The following CALN1 variants were observed in gnomAD, a reference collection of about 807,000 sequenced individuals.
CALN1 encodes calneuron 1, also known as calcium-binding protein 8.
Under a neutral mutation model 30.6 loss-of-function variants are expected in CALN1, and 17 were observed. The observed-to-expected ratio is 0.56, with a 90% CI of 0.38 to 0.83. The LOEUF is 0.83. Among genes scored for constraint, CALN1 ranks in the 40% least tolerant of loss-of-function variants. CALN1 has a pLI of 0.00. For synonymous variants in CALN1, 156 were observed against 131.4 expected (o/e 1.19, Z -1.28); for missense variants, 291 against 354.9 (o/e 0.82, Z 1.45).
chr7:72,238,670 T>G (rs1277843619), intron 3 of CALN1, among the ~76,000 whole-genome samples: 1 of 152,108 alleles, frequency 6.6e-6, no homozygotes, highest in African/African-American at 2.4e-5. Flanking sequence ...TTCTGATGGT[T>G]TTTTAAGGGG....
At chr7:71,906,196 G>C (rs1044188138) in intron 5 of CALN1, among the ~76,000 whole-genome samples, 2 of 152,138 alleles carry the variant, frequency 1.3e-5, no homozygotes, top group African/African-American at 4.8e-5. Context: ...CAGTGTGCTT[G>C]GTGCCATCTT....
intron 3 of CALN1, among the ~76,000 whole-genome samples, chr7:72,201,052 T>C (rs185900982): frequency 1.4e-4 from 21 of 152,304 alleles, no homozygotes; most frequent in African/African-American, 5.1e-4. Context: ...AACAGTGGAT[T>C]GGATAATGTA....
At chr7:72,199,540 T>C (rs1214426228) in intron 3 of CALN1, among the ~76,000 whole-genome samples, 1 of 152,118 alleles carries the variant, frequency 6.6e-6, no homozygotes, top group Non-Finnish European at 1.5e-5. Context: ...GGCAACATAG[T>C]GAGACCACAT....
chr7:71,960,871 C>T (rs1797215745), intron 5 of CALN1, among the ~76,000 whole-genome samples: 1 of 152,164 alleles, frequency 6.6e-6, no homozygotes, highest in Admixed American at 6.5e-5. Flanking sequence ...AGGTGGAGTG[C>T]AGTGGCTCAA....
In CALN1 at chr7:72,407,694, G is replaced by A. The variant is rs527311967; in HGVS notation, c.-73-4252C>T. On this transcript the variant is annotated intron_variant, in intron 1 of 6. Transcript: ENST00000395275. ...TTCTTTGTAAATTACCCAGTCTCAGGGATTTCTTCAGAGCAGTGCAGTAAC... is the reference window on the plus strand; with the variant it reads ...TTCTTTGTAAATTACCCAGTCTCAGAGATTTCTTCAGAGCAGTGCAGTAAC... Among the ~76,000 whole-genome samples the A allele has an allele frequency of 6.6e-5, 10 of 152,200 alleles. No homozygotes were observed. In the South Asian group the frequency reaches 1.7e-3, roughly 25 times the overall value.
chr7:71,810,199 C>A, intron 6 of CALN1, 137 bp downstream of exon 6: 4 of 844,052 alleles, frequency 4.7e-6, no homozygotes, highest in African/African-American at 1.7e-5. Context: ...AGATCTTTAA[C>A]CTCAGTCCTG....
chr7:72,019,628 A>G (rs753302663), intron 5 of CALN1, among the ~76,000 whole-genome samples: 18 of 152,226 alleles, frequency 1.2e-4, no homozygotes, highest in Non-Finnish European at 2.5e-4. Context: ...GTCAACCACC[A>G]GCGTCACCTT....
intron 4 of CALN1, among the ~76,000 whole-genome samples, chr7:72,065,099 TA>T: frequency 6.8e-6 from 1 of 147,982 alleles, no homozygotes; most frequent in East Asian, 1.9e-4. Flanking sequence ...TTAATATATG[TA>T]AAATATATTT....
At chr7:71,895,254 C>T (rs1297019229) in intron 5 of CALN1, among the ~76,000 whole-genome samples, 3 of 152,094 alleles carry the variant, frequency 2.0e-5, no homozygotes, top group Admixed American at 2.0e-4. Flanking sequence ...TGTGCCCGGC[C>T]TTGAATTTCA....
At chr7:72,124,895 A>G (rs1449605289) in intron 3 of CALN1, among the ~76,000 whole-genome samples, 1 of 152,204 alleles carries the variant, frequency 6.6e-6, no homozygotes, top group Non-Finnish European at 1.5e-5. Flanking sequence ...CCCCAAAAGG[A>G]AAAACACAGA....
chr7:72,471,906 C>T, the CALN1 span, among the ~76,000 whole-genome samples: 70 of 152,116 alleles, frequency 4.6e-4, no homozygotes, highest in Non-Finnish European at 7.9e-4. Flanking sequence ...GTCAAGGAAT[C>T]CTCCTGCCTT....
At chr7:72,369,651 C>T (rs1804101532) in intron 2 of CALN1, among the ~76,000 whole-genome samples, 1 of 151,878 alleles carries the variant, frequency 6.6e-6, no homozygotes, top group African/African-American at 2.4e-5. Flanking sequence ...GTAATCTCTC[C>T]CTTCCATTTC....
intron 6 of CALN1, among the ~76,000 whole-genome samples, chr7:71,809,959 T>A (rs1240967235): frequency 6.6e-6 from 1 of 151,932 alleles, no homozygotes; most frequent in Non-Finnish European, 1.5e-5. Context: ...TTGCCCAAGG[T>A]CACACAACGG....
chr7:72,036,466 A>G (rs1801804513), intron 4 of CALN1, among the ~76,000 whole-genome samples: 1 of 152,144 alleles, frequency 6.6e-6, no homozygotes, highest in Admixed American at 6.5e-5. Context: ...GACTCCCACA[A>G]TAGGTCAATT....
chr7:72,386,426 T>C (rs1418007984), intron 2 of CALN1, among the ~76,000 whole-genome samples: 1 of 152,148 alleles, frequency 6.6e-6, no homozygotes, highest in African/African-American at 2.4e-5. Flanking sequence ...ACATAAGCGT[T>C]TTAGTTGATA....
intron 3 of CALN1, among the ~76,000 whole-genome samples, chr7:72,269,864 C>G (rs948539716): frequency 7.9e-5 from 12 of 152,256 alleles, no homozygotes; most frequent in African/African-American, 2.9e-4. Context: ...CCAGGATGGC[C>G]TAGAGCCTTG....
chr7:71,846,865 TG>T (rs1343226082), intron 5 of CALN1, among the ~76,000 whole-genome samples: 1 of 146,870 alleles, frequency 6.8e-6, no homozygotes, highest in Non-Finnish European at 1.5e-5. Flanking sequence ...TATATATGTA[TG>T]TATATATAAT....
intron 3 of CALN1, among the ~76,000 whole-genome samples, chr7:72,270,629 A>G (rs1796914385): frequency 6.6e-6 from 1 of 151,868 alleles, no homozygotes; most frequent in Non-Finnish European, 1.5e-5. Context: ...TTTTTAATTT[A>G]GCAGGTGTGG....
At chr7:71,817,079 A>G (rs17137572) in intron 5 of CALN1, among the ~76,000 whole-genome samples, 57,257 of 151,960 alleles carry the variant, frequency 0.38, 11,483 homozygotes, top group East Asian at 0.61. Context: ...TCCATATATC[A>G]CCTATATTGT....
Sources: gnomAD v4.1 joint callset for allele counts (sites outside exome capture counted in the v4.1 genomes callset) on GRCh38, gnomAD v4.1.1 for gene constraint, MANE v1.5 for transcripts, NCBI Gene and HGNC (gene_info 2026-07-23, HGNC 2026-07-21) for gene names.